AR: variants seen among roughly 807,000 people sequenced by gnomAD.
The protein encoded by AR is dihydrotestosterone receptor.
Under a neutral mutation model 53.9 loss-of-function variants are expected in AR, and 8 were observed. That is an observed-to-expected ratio of 0.15 (90% CI 0.09 to 0.27). The LOEUF (loss-of-function observed/expected upper bound fraction) is 0.27. Among genes scored for constraint, AR ranks in the 10% least tolerant of loss-of-function variants. AR has a pLI of 1.00. For missense variants in AR, 639 were observed against 742.5 expected (o/e 0.86, Z 1.62); for synonymous variants, 359 against 316.4 (o/e 1.13, Z -1.43).
chrX:67,723,943 T>C lies in AR; in HGVS notation c.*102T>C, dbSNP rs947085455. 3 of 1,050,846 alleles carry C rather than the reference T, an allele frequency of 2.9e-6. No homozygotes were observed. The highest frequency in any genetic ancestry group is 3.9e-6 in the Non-Finnish European group (3 of 760,915). The allele number at this position is 1,050,846 out of a possible 1,213,427, so 86.6% of individuals were successfully genotyped here. A position where few individuals can be genotyped will look rare whatever the true frequency, so the allele number is the denominator to read the frequency against. The stretch of plus-strand genomic sequence containing the variant: ...ACTCCTCTGCAGTGCCTTGGGGAAT[T>C]TCCTCTATTGATGTACAGTCTGTCA... On this transcript the variant is annotated 3_prime_UTR_variant, in exon 8 of 8. Coordinates refer to ENST00000374690, the MANE Select transcript of AR (RefSeq NM_000044.6).
intron 1 of AR, among the ~76,000 whole-genome samples, chrX:67,607,333 G>A (rs960956233): frequency 8.9e-6 from 1 of 111,762 alleles, no homozygotes; most frequent in Non-Finnish European, 1.9e-5. Flanking sequence ...CGGCCCACAC[G>A]GTATTTTTGA....
intron 3 of AR, among the ~76,000 whole-genome samples, chrX:67,694,401 A>G (rs2076010013): frequency 9.1e-6 from 1 of 109,440 alleles, no homozygotes; most frequent in Non-Finnish European, 1.9e-5. Context: ...ACGCACACAT[A>G]TATATGTATA....
chrX:67,639,939 G>T (rs1209855121), intron 1 of AR, among the ~76,000 whole-genome samples: 1 of 111,414 alleles, frequency 9.0e-6, no homozygotes, highest in Non-Finnish European at 1.9e-5. Context: ...CATTCAGTAT[G>T]ATATTGGGTG....
At chrX:67,722,499 GT>G (rs761689506) in intron 6 of AR, among the ~76,000 whole-genome samples, 5 of 112,236 alleles carry the variant, frequency 4.5e-5, no homozygotes, top group Non-Finnish European at 7.5e-5. Flanking sequence ...AAAGCTATGT[GT>G]TTTGGTTATC....
intron 2 of AR, among the ~76,000 whole-genome samples, chrX:67,677,234 A>G (rs1031461659): frequency 8.9e-6 from 1 of 111,928 alleles, no homozygotes; most frequent in Non-Finnish European, 1.9e-5. Context: ...ACTATTCTTT[A>G]GGAAAACGTT....
intron 2 of AR, among the ~76,000 whole-genome samples, chrX:67,663,791 T>C (rs1011659079): frequency 8.9e-6 from 1 of 112,327 alleles, no homozygotes; most frequent in African/African-American, 3.2e-5. Context: ...TCTTTTCACA[T>C]AGTCCCATAT....
At chrX:67,552,221 T>C (rs1392403163) in intron 1 of AR, among the ~76,000 whole-genome samples, 2 of 112,104 alleles carry the variant, frequency 1.8e-5, no homozygotes, top group Non-Finnish European at 3.8e-5. Context: ...AATAATCTAC[T>C]TCTATCTATG....
chrX:67,621,153 C>T (rs1479753786), intron 1 of AR, among the ~76,000 whole-genome samples: 1 of 111,539 alleles, frequency 9.0e-6, no homozygotes, highest in Non-Finnish European at 1.9e-5. Flanking sequence ...ATGATAACAC[C>T]TGTGTTCTAG....
rs149203283 is a variant in AR at position 67,718,991 on chromosome X, C to T, written c.2318+1369C>T. The stretch of plus-strand genomic sequence containing the variant: ...CCCAAGGACCTTGAGCTAGTCTCAC[C>T]ACAGAGAATCCTTCCAGTCAGGACA... On this transcript the variant is annotated intron_variant, in intron 5 of 7. Coordinates refer to ENST00000374690, the MANE Select transcript of AR (RefSeq NM_000044.6). 3.1e-3 allele frequency among the ~76,000 whole-genome samples: 343 copies of T among 111,226 alleles called. 1 individual carries two copies. The highest frequency in any genetic ancestry group is 0.011 in the African/African-American group (329 of 30,545).
At position 67,724,956 on chromosome X, in the gene AR, G is replaced by T. The variant is rs2147542508; in HGVS notation, c.*1115G>T. On this transcript the variant is annotated 3_prime_UTR_variant, in exon 8 of 8. Transcript: ENST00000374690. ...AGCTGGAGCCAGAGGAGAAGAAAATGATAGCTTGGCTGTTCTCCTGCTTAG... is the reference window on the plus strand; with the variant it reads ...AGCTGGAGCCAGAGGAGAAGAAAATTATAGCTTGGCTGTTCTCCTGCTTAG... The T allele has an allele frequency of 5.8e-6, 1 of 173,343 alleles. No homozygotes were observed. The highest frequency in any genetic ancestry group is 3.3e-4 in the South Asian group (1 of 3,053). 14.3% of individuals were successfully genotyped at this position (173,343 alleles called of 1,213,427 possible). A position where few individuals can be genotyped will look rare whatever the true frequency, so the allele number is the denominator to read the frequency against.
At chrX:67,616,997 A>C (rs1924151775) in intron 1 of AR, among the ~76,000 whole-genome samples, 1 of 111,670 alleles carries the variant, frequency 9.0e-6, no homozygotes. Flanking sequence ...TTGAAGACTA[A>C]ATCATAGAAT....
At chrX:67,665,654 A>G (rs912419248) in intron 2 of AR, among the ~76,000 whole-genome samples, 1 of 111,086 alleles carries the variant, frequency 9.0e-6, no homozygotes, top group Non-Finnish European at 1.9e-5. Flanking sequence ...ATCTAATAAC[A>G]CAAAGATCAC....
intron 2 of AR, among the ~76,000 whole-genome samples, chrX:67,657,933 G>A (rs754239411): frequency 9.9e-5 from 11 of 111,553 alleles, no homozygotes; most frequent in Non-Finnish European, 1.9e-4. Flanking sequence ...ACAGGGGTTT[G>A]GGATTGGAGC....
At chrX:67,556,429 A>G (rs1382541516) in intron 1 of AR, among the ~76,000 whole-genome samples, 1 of 112,021 alleles carries the variant, frequency 8.9e-6, no homozygotes, top group Non-Finnish European at 1.9e-5. Context: ...CCCATCCACC[A>G]GACTGATGGA....
intron 1 of AR, among the ~76,000 whole-genome samples, chrX:67,622,612 G>T (rs1366895807): frequency 8.9e-6 from 1 of 111,772 alleles, no homozygotes; most frequent in Non-Finnish European, 1.9e-5. Flanking sequence ...GTTATGTGTT[G>T]TACAGAGCAC....
chrX:67,660,770 T>C (rs1926858666), intron 2 of AR, among the ~76,000 whole-genome samples: 1 of 111,883 alleles, frequency 8.9e-6, no homozygotes, highest in South Asian at 3.8e-4. Context: ...GGTAGCTTGA[T>C]GAGGATGGCA....
rs1925247330 is a variant in AR at position 67,633,074 on chromosome X, A to G, written c.1617-10182A>G. On this transcript the variant is annotated intron_variant, in intron 1 of 7. Transcript: ENST00000374690. ...TATATTGCTGGTAAAATGTAAAGTC[A>G]TGCAGCCCTTTGAAATACAGTCTGC... 2.7e-5 allele frequency among the ~76,000 whole-genome samples: 3 copies of G among 112,381 alleles called. No homozygotes were observed. In the South Asian group the frequency reaches 1.1e-3, roughly 41 times the overall value.
intron 3 of AR, among the ~76,000 whole-genome samples, chrX:67,706,291 C>T (rs1441674801): frequency 1.8e-5 from 2 of 111,115 alleles, no homozygotes; most frequent in Non-Finnish European, 1.9e-5. Context: ...CTTTTTTTGG[C>T]TGGTAAGCTA....
At chrX:67,652,899 A>G (rs1302112774) in intron 2 of AR, among the ~76,000 whole-genome samples, 1 of 112,182 alleles carries the variant, frequency 8.9e-6, no homozygotes, top group East Asian at 2.8e-4. Context: ...GTGTATGTGC[A>G]TGTATAAACT....
Sources: gnomAD v4.1 joint callset for allele counts (sites outside exome capture counted in the v4.1 genomes callset) on GRCh38, gnomAD v4.1.1 for gene constraint, MANE v1.5 for transcripts, NCBI Gene and HGNC (gene_info 2026-07-23, HGNC 2026-07-21) for gene names.